Variants in METTL25 observed in about 807,000 individuals in gnomAD.
METTL25 encodes probable methyltransferase-like protein 25.
Under a neutral mutation model 71.6 loss-of-function variants are expected in METTL25, and 64 were observed. That is an observed-to-expected ratio of 0.89 (90% CI 0.73 to 1.10). The LOEUF (loss-of-function observed/expected upper bound fraction) is 1.10, where lower values mean the gene tolerates loss of function less well. Among genes scored for constraint, METTL25 ranks in the 50% least tolerant of loss-of-function variants. The probability of loss-of-function intolerance (pLI) is 0.00; values close to 1 mark genes in which losing one functional copy is unlikely to be tolerated. For synonymous variants in METTL25, 287 were observed against 250.3 expected (o/e 1.15, Z -1.38); for missense variants, 807 against 707.0 (o/e 1.14, Z -1.60).
intron 5 of METTL25, among the ~76,000 whole-genome samples, chr12:82,425,522 C>T (rs1187973769): frequency 6.6e-6 from 1 of 152,018 alleles, no homozygotes; most frequent in Non-Finnish European, 1.5e-5. Context: ...AATGAGGTAT[C>T]AAGAGTTTCC....
chr12:82,390,010 C>T (rs1885426310), intron 3 of METTL25, 88 bp downstream of exon 3: 2 of 727,660 alleles, frequency 2.7e-6, no homozygotes, highest in Non-Finnish European at 4.9e-6. Flanking sequence ...TGTCAGCTAG[C>T]CTTTAAAATG....
chr12:82,467,318 C>G (rs1892296858), intron 9 of METTL25, among the ~76,000 whole-genome samples: 1 of 151,990 alleles, frequency 6.6e-6, no homozygotes, highest in Admixed American at 6.6e-5. Context: ...TGGTTTTCTG[C>G]AATGATAAAG....
chr12:82,440,847 T>C (rs1162768053), intron 8 of METTL25, among the ~76,000 whole-genome samples: 2 of 152,120 alleles, frequency 1.3e-5, no homozygotes, highest in East Asian at 1.9e-4. Flanking sequence ...CAGAGACCTA[T>C]TGAAGTAGGT....
At chr12:82,448,523 T>C (rs1890911560) in intron 8 of METTL25, among the ~76,000 whole-genome samples, 1 of 151,990 alleles carries the variant, frequency 6.6e-6, no homozygotes, top group Non-Finnish European at 1.5e-5. Context: ...AAAATCCAAT[T>C]TGTACACTTT....
chr12:82,470,838 GT>G (rs1892529498), intron 9 of METTL25, among the ~76,000 whole-genome samples: 1 of 152,182 alleles, frequency 6.6e-6, no homozygotes, highest in Admixed American at 6.5e-5. Context: ...CAGTATAATT[GT>G]TGAGAAGTAT....
chr12:82,433,010 T>G (rs943159312), intron 6 of METTL25, among the ~76,000 whole-genome samples: 1 of 151,662 alleles, frequency 6.6e-6, no homozygotes, highest in African/African-American at 2.4e-5. Context: ...AACTTCTAAA[T>G]TATTCCAGAG....
chr12:82,428,036 CTT>C (rs2137134372), intron 5 of METTL25, among the ~76,000 whole-genome samples: 1 of 152,040 alleles, frequency 6.6e-6, no homozygotes, highest in East Asian at 1.9e-4. Flanking sequence ...CTCTACTGCT[CTT>C]GTTTGCATGG....
chr12:82,428,015 T>G (rs934240366), intron 5 of METTL25, among the ~76,000 whole-genome samples: 2 of 151,954 alleles, frequency 1.3e-5, no homozygotes, highest in East Asian at 3.9e-4. Flanking sequence ...CTTCTGTTTT[T>G]TTGCTCTACT....
intron 5 of METTL25, among the ~76,000 whole-genome samples, chr12:82,422,654 C>T (rs987434982): frequency 1.3e-5 from 2 of 152,172 alleles, no homozygotes; most frequent in African/African-American, 2.4e-5. Flanking sequence ...ACCCCATCAT[C>T]TCAGCCCAAA....
At chr12:82,449,191 CAGAG>C (rs781501463) in intron 8 of METTL25, among the ~76,000 whole-genome samples, 1 of 152,174 alleles carries the variant, frequency 6.6e-6, no homozygotes, top group Admixed American at 6.6e-5. Context: ...TTTATTCTGA[CAGAG>C]AGGCCCTTTT....
intron 5 of METTL25, among the ~76,000 whole-genome samples, chr12:82,417,772 G>A (rs1008172349): frequency 6.6e-6 from 1 of 152,088 alleles, no homozygotes; most frequent in African/African-American, 2.4e-5. Context: ...AAGTACTATG[G>A]AGAAAAATAA....
At chr12:82,455,033 G>T (rs1406534117) in intron 8 of METTL25, among the ~76,000 whole-genome samples, 1 of 151,730 alleles carries the variant, frequency 6.6e-6, no homozygotes, top group African/African-American at 2.4e-5. Flanking sequence ...CTGACTGGAA[G>T]CCACCCTCTT....
chr12:82,395,875 T>A (rs1460165541), intron 3 of METTL25, among the ~76,000 whole-genome samples: 1 of 152,054 alleles, frequency 6.6e-6, no homozygotes, highest in East Asian at 1.9e-4. Flanking sequence ...ACAAAACTAA[T>A]TAAATAATAG....
intron 9 of METTL25, among the ~76,000 whole-genome samples, chr12:82,470,570 G>C (rs909900498): frequency 1.3e-5 from 2 of 151,892 alleles, no homozygotes; most frequent in Non-Finnish European, 2.9e-5. Flanking sequence ...AAGAAGACAG[G>C]GCAGAAATGA....
chr12:82,399,080 C>G lies in METTL25; in HGVS notation c.817C>G (p.Pro273Ala), dbSNP rs745723940. The G allele has an allele frequency of 6.2e-7, 1 of 1,612,986 alleles. No individual in the cohort carries two copies. Among genetic ancestry groups the G allele is most frequent in the Non-Finnish European group, 8.5e-7 (1 of 1,179,300 alleles). Reference protein sequence around the residue: ...NNSPTNQEKMPTSAILPDFSG... With the variant: ...NNSPTNQEKMATSAILPDFSG... ...CAGTCCTACAAATCAAGAAAAGATG[C>G]CTACCTCAGCTATTTTGCCTGATTT... is the stretch of plus-strand genomic sequence containing the variant. Residue 273 changes from proline to alanine, a missense_variant, in exon 4 of 12, where the codon CCT (proline) becomes GCT (alanine). Coordinates refer to ENST00000248306, the MANE Select transcript of METTL25 (RefSeq NM_032230.3).
chr12:82,404,873 G>A (rs1366994417), intron 5 of METTL25, among the ~76,000 whole-genome samples: 1 of 151,874 alleles, frequency 6.6e-6, no homozygotes, highest in Non-Finnish European at 1.5e-5. Flanking sequence ...GAACCCAGGA[G>A]GCACAGGTTG....
chr12:82,425,179 G>A (rs948049765), intron 5 of METTL25, among the ~76,000 whole-genome samples: 38 of 151,998 alleles, frequency 2.5e-4, no homozygotes, highest in African/African-American at 9.2e-4. Context: ...GACTAATTTT[G>A]GGCAACTTGG....
chr12:82,456,290 T>C (rs1021200572), intron 8 of METTL25, among the ~76,000 whole-genome samples: 3 of 151,940 alleles, frequency 2.0e-5, no homozygotes, highest in African/African-American at 7.2e-5. Context: ...CATCTCATTA[T>C]ATGGGGCTTG....
intron 3 of METTL25, among the ~76,000 whole-genome samples, chr12:82,397,410 C>A (rs768632377): frequency 6.6e-6 from 1 of 151,910 alleles, no homozygotes; most frequent in African/African-American, 2.4e-5. Flanking sequence ...GCAAGTATTT[C>A]TTTTCATTTT....
Sources: allele counts gnomAD v4.1 joint callset (sites outside exome capture counted in the v4.1 genomes callset), GRCh38; gene constraint gnomAD v4.1.1; transcripts MANE v1.5; gene names NCBI Gene and HGNC (gene_info 2026-07-23, HGNC 2026-07-21).